SLIT1: variants seen among roughly 807,000 people sequenced by gnomAD.
SLIT1 encodes the protein slit homolog 1 protein.
A neutral mutation model predicts 186.1 loss-of-function variants in SLIT1; 66 were observed. The observed-to-expected ratio is 0.35, with a 90% CI of 0.29 to 0.44. The LOEUF is 0.44. Ranked by LOEUF, SLIT1 falls within the 20% of genes least tolerant of loss-of-function variation. The pLI is 1.00. For missense variants in SLIT1, 1,638 were observed against 2,037.4 expected, an observed-to-expected ratio of 0.80 and a Z score of 3.77; for synonymous variants, 761 against 833.8, an observed-to-expected ratio of 0.91 and a Z score of 1.50.
chr10:97,093,304 T>C (rs1359277390), intron 4 of SLIT1, among the ~76,000 whole-genome samples: 2 of 152,212 alleles, frequency 1.3e-5, no homozygotes, highest in Non-Finnish European at 2.9e-5. Context: ...CTCCCCTTTT[T>C]CCTTCTTACA....
At chr10:97,100,817 C>T (rs1849344508) in intron 4 of SLIT1, among the ~76,000 whole-genome samples, 1 of 152,202 alleles carries the variant, frequency 6.6e-6, no homozygotes, top group Non-Finnish European at 1.5e-5. Context: ...GTTGGTACGC[C>T]GCTGCCTCGG....
intron 3 of SLIT1, among the ~76,000 whole-genome samples, chr10:97,162,315 A>G (rs1850039426): frequency 6.6e-6 from 1 of 152,116 alleles, no homozygotes; most frequent in South Asian, 2.1e-4. Context: ...TTTCTATTTA[A>G]GTAATGTGCA....
In SLIT1 at chr10:97,184,454, G is replaced by A. The variant is rs1481221192; in HGVS notation, c.197+1024C>T. ...AATCTACACACACACAGCCCATTAC[G>A]GGGACTCTCATGGCCTCACGCTATT... On this transcript the variant is annotated intron_variant, in intron 1 of 36. Coordinates refer to ENST00000266058, the MANE Select transcript of SLIT1 (RefSeq NM_003061.3). The surrounding 1 kb of genome is among the most constrained non-coding windows in gnomAD (Gnocchi z 4.4). Among the ~76,000 whole-genome samples the A allele has an allele frequency of 6.6e-6, 1 of 152,026 alleles. No homozygotes were observed. The highest frequency in any genetic ancestry group is 1.5e-5 in the Non-Finnish European group (1 of 67,988).
intron 1 of SLIT1, among the ~76,000 whole-genome samples, chr10:97,182,417 C>A (rs1439793565): frequency 6.6e-6 from 1 of 152,232 alleles, no homozygotes. Context: ...TACTGCACAA[C>A]ACTCATATTG....
intron 22 of SLIT1, among the ~76,000 whole-genome samples, chr10:97,035,091 G>A (rs1354041015): frequency 3.9e-5 from 6 of 151,924 alleles, no homozygotes; most frequent in East Asian, 3.9e-4. Flanking sequence ...TGGCCTCTCC[G>A]AGTCACCTGT....
intron 1 of SLIT1, among the ~76,000 whole-genome samples, chr10:97,166,450 A>G (rs376496223): frequency 6.6e-6 from 1 of 150,578 alleles, no homozygotes; most frequent in Non-Finnish European, 1.5e-5. Flanking sequence ...CGGGAGGTGG[A>G]GGTTGAAGTG....
At chr10:97,007,423 C>T (rs543388477) in intron 31 of SLIT1, among the ~76,000 whole-genome samples, 2 of 152,262 alleles carry the variant, frequency 1.3e-5, no homozygotes, top group East Asian at 3.9e-4. Flanking sequence ...TGAGGGAACA[C>T]TTTCTAACTC....
chr10:97,085,994 C>T (rs1849155454), intron 4 of SLIT1, among the ~76,000 whole-genome samples: 1 of 152,218 alleles, frequency 6.6e-6, no homozygotes, highest in Admixed American at 6.5e-5. Context: ...GAACTTTTGT[C>T]CTTTGCTGGT....
intron 4 of SLIT1, among the ~76,000 whole-genome samples, chr10:97,083,930 G>T (rs1310915429): frequency 1.3e-5 from 2 of 152,182 alleles, no homozygotes; most frequent in Non-Finnish European, 1.5e-5. Flanking sequence ...ATCAGCCCCT[G>T]ACTTCTCACA....
chr10:97,041,250 C>G (rs1050665584), intron 20 of SLIT1, among the ~76,000 whole-genome samples: 3 of 152,186 alleles, frequency 2.0e-5, no homozygotes, highest in Non-Finnish European at 4.4e-5. Context: ...GGGAGGTTGT[C>G]TGAATGTCCA....
At chr10:97,107,284 G>T (rs139322027) in intron 4 of SLIT1, among the ~76,000 whole-genome samples, 2 of 152,364 alleles carry the variant, frequency 1.3e-5, no homozygotes, top group African/African-American at 4.8e-5. Flanking sequence ...AACATGCTTT[G>T]TCAACGGTAA....
intron 20 of SLIT1, among the ~76,000 whole-genome samples, chr10:97,040,342 G>A (rs3824789): frequency 0.35 from 53,185 of 151,932 alleles, 10,022 homozygotes; most frequent in African/African-American, 0.49. Flanking sequence ...TCTTGAGTTG[G>A]TCTCTTTCTC....
At position 97,163,375 on chromosome 10, in the gene SLIT1, C is replaced by T. The variant is rs1564691668; in HGVS notation, c.341+5G>A. 2 of 1,613,718 alleles carry T rather than the reference C, an allele frequency of 1.2e-6. No homozygotes were observed. The highest frequency in any genetic ancestry group is 1.7e-5 in the Admixed American group (1 of 60,008). On this transcript the variant is annotated splice_donor_5th_base_variant and intron_variant, in intron 3 of 36. Transcript: ENST00000266058. The stretch of plus-strand genomic sequence containing the variant: ...CCTCCTGGCCTGCACCCTGCCAGGA[C>T]TCACAGCCGCTCCAGCTCCTTCATG...
At chr10:97,069,422 C>G (rs1848982137) in intron 4 of SLIT1, among the ~76,000 whole-genome samples, 1 of 152,244 alleles carries the variant, frequency 6.6e-6, no homozygotes, top group Non-Finnish European at 1.5e-5. Flanking sequence ...TTCAATCCTT[C>G]ACCCCAGAAA....
rs1047553477 is a variant in SLIT1 at position 97,039,954 on chromosome 10, C to G, written c.2297+34G>C. 8 of 1,609,838 alleles carry G rather than the reference C, an allele frequency of 5.0e-6. No individual in the cohort carries two copies. The African/African-American group carries it at 5.4e-5, about 11-fold the overall frequency. ...CCCCCACTGTCCCCGTCCTGTGGAC[C>G]CACGTGAAGGGGGCAAGGCCTTGAG... On this transcript the variant is annotated intron_variant, in intron 21 of 36. Coordinates refer to ENST00000266058, the MANE Select transcript of SLIT1 (RefSeq NM_003061.3).
At chr10:97,028,358 T>C (rs1164649830) in intron 25 of SLIT1, among the ~76,000 whole-genome samples, 1 of 152,060 alleles carries the variant, frequency 6.6e-6, no homozygotes, top group African/African-American at 2.4e-5. Flanking sequence ...ATTCCCTTTC[T>C]TTACACAATG....
intron 31 of SLIT1, among the ~76,000 whole-genome samples, chr10:97,009,129 G>A (rs906539885): frequency 1.2e-4 from 18 of 152,060 alleles, no homozygotes; most frequent in Middle Eastern, 3.4e-3. Context: ...CGCCTGCCTC[G>A]GCCTCCCAAA....
chr10:97,180,796 G>A (rs991224815), intron 1 of SLIT1, among the ~76,000 whole-genome samples: 17 of 152,324 alleles, frequency 1.1e-4, no homozygotes, highest in East Asian at 7.7e-4. Flanking sequence ...TGCAAGAGAG[G>A]CAACACTCAA....
chr10:97,182,143 C>G (rs1330213600), intron 1 of SLIT1, among the ~76,000 whole-genome samples: 2 of 152,200 alleles, frequency 1.3e-5, no homozygotes, highest in African/African-American at 4.8e-5. Flanking sequence ...CTGACCAGCC[C>G]CACAGCCCCT....
Sources: allele counts gnomAD v4.1 joint callset (sites outside exome capture counted in the v4.1 genomes callset), GRCh38; gene constraint gnomAD v4.1.1; non-coding constraint Gnocchi (gnomAD v3.1); transcripts MANE v1.5; gene names NCBI Gene and HGNC (gene_info 2026-07-23, HGNC 2026-07-21).